The following SH3GL1 variants were observed in gnomAD, a reference collection of about 807,000 sequenced individuals.
SH3GL1 encodes the protein SH3 domain containing GRB2 like 1, endophilin A2.
A neutral mutation model predicts 48.8 loss-of-function variants in SH3GL1; 21 were observed. The ratio of observed to expected loss-of-function variants is 0.43; its 90% confidence interval spans 0.30 to 0.62. The LOEUF is 0.62. Ranked by LOEUF, SH3GL1 falls within the 20% of genes least tolerant of loss-of-function variation. The probability of loss-of-function intolerance (pLI) is 0.11; values close to 1 mark genes in which losing one functional copy is unlikely to be tolerated. For synonymous variants in SH3GL1, 282 were observed against 217.5 expected (o/e 1.30, Z -2.61); for missense variants, 454 against 503.0 (o/e 0.90, Z 0.93).
At chr19:4,381,724 C>T (rs1279448483) in intron 1 of SH3GL1, among the ~76,000 whole-genome samples, 2 of 116,320 alleles carry the variant, frequency 1.7e-5, no homozygotes, top group Non-Finnish European at 3.4e-5. Flanking sequence ...GACAGAGTCT[C>T]GCTCTGTTGC....
Position 4,362,736 on chromosome 19 carries a change from C to T in SH3GL1, c.729G>A (p.Arg243=). ...TAGGGCGTGAGGAAGCTTCCCGCAT[C>T]CTGTGAAGGGAGAGGCGTGAGTGGA... ...LDELAEKLKR[R]MREASSRPKR... The change falls in exon 8 of 10, where the codon AGG becomes AGA. Residue 243 remains arginine (R), a splice_region_variant and synonymous_variant. Transcript: ENST00000269886. The T allele has an allele frequency of 6.2e-7, 1 of 1,613,920 alleles. No homozygotes were observed. The highest frequency in any genetic ancestry group is 8.5e-7 in the Non-Finnish European group (1 of 1,180,014).
intron 1 of SH3GL1, among the ~76,000 whole-genome samples, chr19:4,372,534 T>A (rs1481920655): frequency 6.6e-6 from 1 of 152,066 alleles, no homozygotes; most frequent in Non-Finnish European, 1.5e-5. Flanking sequence ...GACGTAAGGA[T>A]CCCTGTGGTG....
rs969581101 is a variant in SH3GL1, at chr19:4,390,879, G to T, written c.45+9445C>A. 1.1e-4 allele frequency among the ~76,000 whole-genome samples: 16 copies of T among 152,224 alleles called. No homozygotes were observed. In the East Asian group the frequency reaches 3.1e-3, roughly 29 times the overall value. Reference sequence around the variant, plus strand: ...TCTGCCCCGGGCAGCGCCGAAACCTGCGGCTGCCTCCGAAATCCTACTGGG... The same window carrying T: ...TCTGCCCCGGGCAGCGCCGAAACCTTCGGCTGCCTCCGAAATCCTACTGGG... On this transcript the variant is annotated intron_variant, in intron 1 of 9. Coordinates refer to ENST00000269886, the MANE Select transcript of SH3GL1 (RefSeq NM_003025.4).
chr19:4,374,394 A>T (rs1972964333), intron 1 of SH3GL1, among the ~76,000 whole-genome samples: 1 of 152,134 alleles, frequency 6.6e-6, no homozygotes, highest in African/African-American at 2.4e-5. Context: ...AGGCTCCGTG[A>T]GGGCAGCCCC....
At chr19:4,397,846 C>T (rs977097746) in intron 1 of SH3GL1, among the ~76,000 whole-genome samples, 1 of 152,146 alleles carries the variant, frequency 6.6e-6, no homozygotes, top group Non-Finnish European at 1.5e-5. Flanking sequence ...AGGGTTGTTA[C>T]TTTTTTTATT....
Position 4,363,390 on chromosome 19 carries a change from C to T in SH3GL1, c.708G>A (p.Leu236=), listed in dbSNP as rs755681583. ...HRQAVQILDE[L]AEKLKRRMRE... ...CTCACCTGCGCTTGAGCTTCTCCGC[C>T]AGCTCGTCCAGGATCTGCACGGCCT... Residue 236 remains leucine, a synonymous_variant, in exon 7 of 10, where the codon CTG becomes CTA. Transcript: ENST00000269886. 1 of 1,607,878 alleles carries T rather than the reference C, an allele frequency of 6.2e-7. No homozygotes were observed. Among genetic ancestry groups the T allele is most frequent in the South Asian group, 1.1e-5 (1 of 89,968 alleles).
chr19:4,392,229 T>C (rs563958764), intron 1 of SH3GL1, among the ~76,000 whole-genome samples: 28 of 152,354 alleles, frequency 1.8e-4, no homozygotes, highest in African/African-American at 5.3e-4. Context: ...ATGAACCCCA[T>C]ATTTTTGTAT....
At chr19:4,362,058 A>G (rs934822278) in intron 9 of SH3GL1, among the ~76,000 whole-genome samples, 2 of 152,240 alleles carry the variant, frequency 1.3e-5, no homozygotes, top group Non-Finnish European at 2.9e-5. Flanking sequence ...CTGCGGTGAC[A>G]GGGAGTGACC....
At chr19:4,371,792 C>T (rs966692901) in intron 1 of SH3GL1, among the ~76,000 whole-genome samples, 2 of 152,156 alleles carry the variant, frequency 1.3e-5, no homozygotes, top group Admixed American at 6.5e-5. Context: ...CCGTCGGCAT[C>T]GGTGGTGCTG....
rs567872587 is a variant in SH3GL1 at position 4,366,977 on chromosome 19, G to T, written c.63C>A (p.Val21=). 1.3e-4 allele frequency: 217 copies of T among 1,613,916 alleles called. 3 individuals carry two copies. In the South Asian group the frequency reaches 2.3e-3, roughly 17 times the overall value. Residue 21 remains valine (V), a synonymous_variant, in exon 2 of 10, where the codon GTC becomes GTA. Coordinates refer to ENST00000269886, the MANE Select transcript of SH3GL1 (RefSeq NM_003025.4). ...YKASQLVSEK[V]GGAEGTKLDD... The stretch of plus-strand genomic sequence containing the variant: ...CCAGCTTGGTCCCCTCGGCCCCTCC[G>T]ACCTTCTCACTGACCAGCTAGAGGA...
chr19:4,389,197 A>T lies in SH3GL1; in HGVS notation c.45+11127T>A, dbSNP rs1973290529. Among the ~76,000 whole-genome samples, 2 of 152,104 alleles carry T rather than the reference A, an allele frequency of 1.3e-5. No homozygotes were observed. The highest frequency in any genetic ancestry group is 2.9e-5 in the Non-Finnish European group (2 of 68,002). ...TGCCCAGCAGAACATGGCCCATCAC[A>T]CATGCCCGAGCACAGCCCAGCCTCA... On this transcript the variant is annotated intron_variant, in intron 1 of 9. Coordinates refer to ENST00000269886, the MANE Select transcript of SH3GL1 (RefSeq NM_003025.4). This position sits in a 1 kb window ranked among gnomAD's most constrained non-coding sequence, Gnocchi z 4.5.
chr19:4,378,802 T>C (rs764461186), intron 1 of SH3GL1, among the ~76,000 whole-genome samples: 1 of 152,200 alleles, frequency 6.6e-6, no homozygotes, highest in African/African-American at 2.4e-5. Flanking sequence ...CGAGGAATGA[T>C]GGGTGTGGGG....
Position 4,362,424 on chromosome 19 carries a change from C to G in SH3GL1, c.854-39G>C, listed in dbSNP as rs773852188. On this transcript the variant is annotated intron_variant, in intron 8 of 9. Coordinates refer to ENST00000269886, the MANE Select transcript of SH3GL1 (RefSeq NM_003025.4). ...AAACGAGGAGGCTGTGGGCTCAAAACGGTCGGGCAGGGCCCCTTCTGCAGA... is the reference window on the plus strand; with the variant it reads ...AAACGAGGAGGCTGTGGGCTCAAAAGGGTCGGGCAGGGCCCCTTCTGCAGA... 3.1e-6 allele frequency: 5 copies of G among 1,595,890 alleles called. No individual in the cohort carries two copies. The East Asian group carries it at 6.8e-5, about 22-fold the overall frequency.
In SH3GL1 at chr19:4,364,084, G is replaced by A; in HGVS notation, c.465+4C>T. The A allele has an allele frequency of 6.2e-7, 1 of 1,612,182 alleles. No homozygotes were observed. The highest frequency in any genetic ancestry group is 8.5e-7 in the Non-Finnish European group (1 of 1,180,024). ...CAGGCCCCAGGCTGGCGCAGGAGCAGCACCTGGATCTCCTTCAGGTCTTTC... is the reference window on the plus strand; with the variant it reads ...CAGGCCCCAGGCTGGCGCAGGAGCAACACCTGGATCTCCTTCAGGTCTTTC... On this transcript the variant is annotated splice_donor_region_variant and intron_variant, in intron 5 of 9. Transcript: ENST00000269886.
Position 4,371,477 on chromosome 19 carries a change from C to T in SH3GL1, c.46-4483G>A, listed in dbSNP as rs192643357. Among the ~76,000 whole-genome samples the T allele has an allele frequency of 1.6e-3, 245 of 152,388 alleles. 2 individuals are homozygous for T. Among genetic ancestry groups the T allele is most frequent in the African/African-American group, 5.6e-3 (232 of 41,596 alleles). ...TCTCAGCGGGGAAACCTGATCCACA[C>T]AGCACGGAACACAAATGCCCGTCTC... On this transcript the variant is annotated intron_variant, in intron 1 of 9. Transcript: ENST00000269886.
At chr19:4,363,588 G>T (rs768704079) in intron 6 of SH3GL1, 115 bp from the exon 7 acceptor site, 37 of 1,462,452 alleles carry the variant, frequency 2.5e-5, no homozygotes, top group Non-Finnish European at 3.4e-5. Flanking sequence ...AGGGGACTGG[G>T]GCCCATACCC....
rs144760760 is a variant in SH3GL1, at chr19:4,372,298, C to T, written c.46-5304G>A. On this transcript the variant is annotated intron_variant, in intron 1 of 9. Transcript: ENST00000269886. ...GCCCCCATGCTAGGCACTCTGTGCCCGGCCCCCAACGTCACAGAGGAGGAA... is the reference window on the plus strand; with the variant it reads ...GCCCCCATGCTAGGCACTCTGTGCCTGGCCCCCAACGTCACAGAGGAGGAA... 1.7e-3 allele frequency among the ~76,000 whole-genome samples: 265 copies of T among 152,320 alleles called. 2 individuals carry two copies. The highest frequency in any genetic ancestry group is 6.1e-3 in the African/African-American group (253 of 41,582).
intron 1 of SH3GL1, among the ~76,000 whole-genome samples, chr19:4,371,292 T>C (rs1311492770): frequency 6.6e-6 from 1 of 152,202 alleles, no homozygotes; most frequent in African/African-American, 2.4e-5. Flanking sequence ...AGGGCTACCG[T>C]AGGCAGGAGA....
At chr19:4,371,182 CT>C (rs1972893105) in intron 1 of SH3GL1, among the ~76,000 whole-genome samples, 1 of 152,248 alleles carries the variant, frequency 6.6e-6, no homozygotes. Flanking sequence ...CTTTGGCTCT[CT>C]TTGGAGGGGA....
Sources: gnomAD v4.1 joint callset for allele counts (sites outside exome capture counted in the v4.1 genomes callset) on GRCh38, gnomAD v4.1.1 for gene constraint, Gnocchi (gnomAD v3.1) non-coding constraint, MANE v1.5 for transcripts, NCBI Gene and HGNC (gene_info 2026-07-23, HGNC 2026-07-21) for gene names.